HIPK2: variants seen among roughly 807,000 people sequenced by gnomAD.
The protein encoded by HIPK2 is homeodomain interacting protein kinase 2.
HIPK2 carries 27 observed loss-of-function variants against 113.7 expected under a neutral mutation model. That is an observed-to-expected ratio of 0.24 (90% CI 0.17 to 0.33). The LOEUF (loss-of-function observed/expected upper bound fraction) is 0.33, where lower values mean the gene tolerates loss of function less well. Among genes scored for constraint, HIPK2 ranks in the 10% least tolerant of loss-of-function variants. HIPK2 has a pLI of 1.00. For missense variants in HIPK2, 1,257 were observed against 1,588.0 expected, an observed-to-expected ratio of 0.79 and a Z score of 3.54; for synonymous variants, 631 against 642.2, an observed-to-expected ratio of 0.98 and a Z score of 0.26.
chr7:139,749,367 C>A (rs958413104), intron 1 of HIPK2, among the ~76,000 whole-genome samples: 1 of 152,226 alleles, frequency 6.6e-6, no homozygotes, highest in Non-Finnish European at 1.5e-5. Context: ...CCTATGAATT[C>A]AGGCAGCATG....
intron 1 of HIPK2, among the ~76,000 whole-genome samples, chr7:139,759,671 A>C (rs560169872): frequency 6.6e-6 from 1 of 152,362 alleles, no homozygotes; most frequent in Non-Finnish European, 1.5e-5. Flanking sequence ...GTTAAGACGT[A>C]GAACAACAGA....
Position 139,626,689 on chromosome 7 carries a change from C to T in HIPK2, c.1531G>A (p.Asp511Asn). Residue 511 changes from aspartate (D) to asparagine (N), a missense_variant, in exon 6 of 15, where the codon GAT (aspartate) becomes AAT (asparagine). This residue lies in a region of HIPK2 where 862 missense variants were observed against 1,004.3 expected (regional missense o/e 0.86). Coordinates refer to ENST00000406875, the MANE Select transcript of HIPK2 (RefSeq NM_022740.5). ...IDLLKKMLTI[D>N]ADKRITPIET... ...ATTGGAGTGATTCTCTTGTCAGCATCAATGGTCAGCATCTTCTTCAACAGG... is the reference window on the plus strand; with the variant it reads ...ATTGGAGTGATTCTCTTGTCAGCATTAATGGTCAGCATCTTCTTCAACAGG... The T allele has an allele frequency of 6.2e-7, 1 of 1,613,920 alleles. No individual in the cohort carries two copies. The highest frequency in any genetic ancestry group is 8.5e-7 in the Non-Finnish European group (1 of 1,179,880).
At chr7:139,776,309 C>T (rs1696868500) in intron 1 of HIPK2, among the ~76,000 whole-genome samples, 4 of 152,128 alleles carry the variant, frequency 2.6e-5, no homozygotes, top group South Asian at 2.1e-4. Flanking sequence ...TATTTACAGT[C>T]TATAGGTTAT....
At chr7:139,587,897 T>A (rs902119449) in intron 12 of HIPK2, among the ~76,000 whole-genome samples, 2 of 151,764 alleles carry the variant, frequency 1.3e-5, no homozygotes, top group African/African-American at 4.8e-5. Flanking sequence ...AATAAATAAA[T>A]AAAAATAGTT....
intron 1 of HIPK2, among the ~76,000 whole-genome samples, chr7:139,742,606 C>A (rs1312244668): frequency 1.3e-5 from 2 of 152,062 alleles, no homozygotes; most frequent in African/African-American, 4.8e-5. Context: ...TTAGCTCTAA[C>A]AATGGGTAAT....
chr7:139,690,120 G>C (rs2116774373), intron 2 of HIPK2, among the ~76,000 whole-genome samples: 1 of 152,270 alleles, frequency 6.6e-6, no homozygotes, highest in South Asian at 2.1e-4. Context: ...AGGGATGCCA[G>C]GGGAAAGCGC....
chr7:139,740,896 C>T (rs1402478621), intron 1 of HIPK2, among the ~76,000 whole-genome samples: 1 of 152,170 alleles, frequency 6.6e-6, no homozygotes, highest in African/African-American at 2.4e-5. Flanking sequence ...CCTATAATCC[C>T]AGCACTTTGA....
In HIPK2 at chr7:139,704,112, AACACACACCAC is replaced by A. The variant is rs1467604624; in HGVS notation, c.1103+11809_1103+11819del. Among the ~76,000 whole-genome samples the A allele has an allele frequency of 1.7e-4, 14 of 80,634 alleles. No homozygotes were observed. In the East Asian group the frequency reaches 2.4e-3, roughly 14 times the overall value. 52.9% of individuals were successfully genotyped at this position (80,634 alleles called of 152,430 possible). A position where few individuals can be genotyped will look rare whatever the true frequency, so the allele number is the denominator to read the frequency against. ...CCCGCTATACCCAACATACACACCC[AACACACACCAC>A]ACACACACCACACACACACACCATA... On this transcript the variant is annotated intron_variant, in intron 2 of 14. Transcript: ENST00000406875.
chr7:139,698,120 C>T (rs941322781), intron 2 of HIPK2, among the ~76,000 whole-genome samples: 1 of 152,158 alleles, frequency 6.6e-6, no homozygotes, highest in African/African-American at 2.4e-5. Flanking sequence ...CCATCTTGGC[C>T]TCCCAAAGCG....
intron 7 of HIPK2, among the ~76,000 whole-genome samples, chr7:139,617,672 G>A (rs984466182): frequency 2.6e-5 from 4 of 152,116 alleles, no homozygotes; most frequent in Non-Finnish European, 4.4e-5. Flanking sequence ...GAGACTTAAC[G>A]GGTTATGAAT....
In HIPK2 at chr7:139,565,790, TG is replaced by T. The variant is rs1259850583; in HGVS notation, c.*7136del. On this transcript the variant is annotated 3_prime_UTR_variant, in exon 15 of 15. Transcript: ENST00000406875. ...GACCCACATATGGTATTTACAAATT[TG>T]GTGTGAACCCTGCCTCTGGTTCTGC... 1.3e-5 allele frequency: 2 copies of T among 151,880 alleles called. No homozygotes were observed. Among genetic ancestry groups the T allele is most frequent in the Non-Finnish European group, 2.9e-5 (2 of 67,972 alleles). The allele number at this position is 151,880 out of a possible 1,614,324, so 9.4% of individuals were successfully genotyped here. A position where few individuals can be genotyped will look rare whatever the true frequency, so the allele number is the denominator to read the frequency against.
chr7:139,777,747 G>A lies in HIPK2; in HGVS notation c.-124C>T. ...GTGTCTCCGCTCTCGGCGCAGCCGA[G>A]GCCGCCCGCGCCCGCATCACCGCCT... On this transcript the variant is annotated 5_prime_UTR_variant, in exon 1 of 15. Transcript: ENST00000406875. The A allele has an allele frequency of 4.1e-5, 38 of 934,412 alleles. No homozygotes were observed. The highest frequency in any genetic ancestry group is 4.9e-5 in the Non-Finnish European group (38 of 776,582). The allele number at this position is 934,412 out of a possible 1,614,324, so 57.9% of individuals were successfully genotyped here. A position where few individuals can be genotyped will look rare whatever the true frequency, so the allele number is the denominator to read the frequency against.
chr7:139,670,732 TTTC>T (rs1802237695), intron 2 of HIPK2, among the ~76,000 whole-genome samples: 1 of 76,426 alleles, frequency 1.3e-5, no homozygotes, highest in Non-Finnish European at 2.3e-5. Context: ...TTCTTTTTCT[TTTC>T]TTTCTTTCTT....
chr7:139,626,727 C>A lies in HIPK2; in HGVS notation c.1493G>T (p.Arg498Leu). Reference protein sequence around the residue: ...SDMLVEKADRREFIDLLKKML... With the variant: ...SDMLVEKADRLEFIDLLKKML... ...CTTCTTCAACAGGTCAATGAACTCC[C>A]GCCGGTCAGCCTTTTCTACCAACAT... The change falls in exon 6 of 15, where the codon CGG (arginine) becomes CTG (leucine). Residue 498 changes from arginine (R) to leucine (L), a missense_variant. Around this residue, in one of 5 missense-constraint regions of HIPK2, gnomAD observed 862 missense variants for 1,004.3 expected, o/e 0.86. Coordinates refer to ENST00000406875, the MANE Select transcript of HIPK2 (RefSeq NM_022740.5). 1 of 1,613,948 alleles carries A rather than the reference C, an allele frequency of 6.2e-7. No individual in the cohort carries two copies. Among genetic ancestry groups the A allele is most frequent in the African/African-American group, 1.3e-5 (1 of 75,010 alleles).
At chr7:139,747,909 T>C (rs1796215212) in intron 1 of HIPK2, among the ~76,000 whole-genome samples, 1 of 152,228 alleles carries the variant, frequency 6.6e-6, no homozygotes. Context: ...TTCAAGTGCT[T>C]ACTGGTCACG....
At chr7:139,656,508 G>GA (rs1407462008) in intron 2 of HIPK2, among the ~76,000 whole-genome samples, 1 of 152,110 alleles carries the variant, frequency 6.6e-6, no homozygotes, top group African/African-American at 2.4e-5. Context: ...CCCGATAACT[G>GA]AAACAGTCTC....
At chr7:139,649,411 C>A (rs1801373856) in intron 2 of HIPK2, among the ~76,000 whole-genome samples, 1 of 152,206 alleles carries the variant, frequency 6.6e-6, no homozygotes, top group African/African-American at 2.4e-5. Context: ...AGACTAGTTA[C>A]CAGTAGGGAT....
rs941462397 is a variant in HIPK2 at position 139,714,839 on chromosome 7, C to T, written c.1103+1093G>A. On this transcript the variant is annotated intron_variant, in intron 2 of 14. Transcript: ENST00000406875. This position sits in a 1 kb window ranked among gnomAD's most constrained non-coding sequence, Gnocchi z 4.2. ...GCAGGGTCTTGCTTTCCATCCCTGC[C>T]GCCTCCCCGCTGTGCACCCGCCATG... Among the ~76,000 whole-genome samples, 7 of 152,226 alleles carry T rather than the reference C, an allele frequency of 4.6e-5. No homozygotes were observed. Among genetic ancestry groups the T allele is most frequent in the African/African-American group, 7.2e-5 (3 of 41,464 alleles).
rs150626273 is a variant in HIPK2, at chr7:139,609,046, C to A, written c.2112+4156G>T. Among the ~76,000 whole-genome samples, 120 of 152,312 alleles carry A rather than the reference C, an allele frequency of 7.9e-4. 1 individual carries two copies. The East Asian group carries it at 0.021, about 26-fold the overall frequency. ...GTGGAGTCTACAGTGATTTCTCTAA[C>A]CCTGCTAGTCAAAGGAGATTTTAGA... On this transcript the variant is annotated intron_variant, in intron 9 of 14. Coordinates refer to ENST00000406875, the MANE Select transcript of HIPK2 (RefSeq NM_022740.5).
Sources: allele counts gnomAD v4.1 joint callset (sites outside exome capture counted in the v4.1 genomes callset), GRCh38; gene constraint gnomAD v4.1.1; regional missense constraint gnomAD v4.1.1; non-coding constraint Gnocchi (gnomAD v3.1); transcripts MANE v1.5; gene names NCBI Gene and HGNC (gene_info 2026-07-23, HGNC 2026-07-21).